Variants in NUP58 observed in about 807,000 individuals in gnomAD.
NUP58 encodes nucleoporin p58/p45.
NUP58 carries 17 observed loss-of-function variants against 70.1 expected under a neutral mutation model. That is an observed-to-expected ratio of 0.24 (90% CI 0.17 to 0.36). The LOEUF (loss-of-function observed/expected upper bound fraction) is 0.36. Ranked by LOEUF, NUP58 falls within the 10% of genes least tolerant of loss-of-function variation. The pLI is 1.00. For missense variants in NUP58, 644 were observed against 701.5 expected, an observed-to-expected ratio of 0.92 and a Z score of 0.93; for synonymous variants, 275 against 257.6, an observed-to-expected ratio of 1.07 and a Z score of -0.65.
rs2031153679 is a variant in NUP58, at chr13:25,320,912, T to G, written c.777-7T>G. On this transcript the variant is annotated splice_region_variant and splice_polypyrimidine_tract_variant and intron_variant, in intron 8 of 15. Coordinates refer to ENST00000381736, the MANE Select transcript of NUP58 (RefSeq NM_014089.4). ...TTTTAAAACTCAGTTTTAAATATAT[T>G]TTTTAGGAAATTTGTGAAGGAGCAG... The G allele has an allele frequency of 1.4e-5, 21 of 1,526,476 alleles. No individual in the cohort carries two copies. The highest frequency in any genetic ancestry group is 1.8e-5 in the Non-Finnish European group (20 of 1,138,154). 94.6% of individuals were successfully genotyped at this position (1,526,476 alleles called of 1,614,324 possible). A position where few individuals can be genotyped will look rare whatever the true frequency, so the allele number is the denominator to read the frequency against.
At chr13:25,302,822 A>C (rs2030094480) in intron 1 of NUP58, 1 of 386,174 alleles carries the variant, frequency 2.6e-6, no homozygotes, top group Non-Finnish European at 5.1e-6. Flanking sequence ...CAGTCAATTC[A>C]GAAATTTGAA....
intron 13 of NUP58, 133 bp downstream of exon 13, chr13:25,331,691 G>A (rs2031612114): frequency 1.4e-6 from 2 of 1,463,320 alleles, no homozygotes; most frequent in African/African-American, 2.8e-5. Flanking sequence ...ATCTAAAATT[G>A]TGATGGACAC....
intron 3 of NUP58, 189 bp downstream of exon 3, chr13:25,309,471 G>C (rs886620513): frequency 4.2e-6 from 2 of 477,310 alleles, no homozygotes; most frequent in African/African-American, 4.0e-5. Context: ...GAATGACTTC[G>C]TAGAGTACTT....
At chr13:25,328,068 G>A (rs2031467598) in intron 12 of NUP58, among the ~76,000 whole-genome samples, 1 of 151,848 alleles carries the variant, frequency 6.6e-6, no homozygotes, top group Non-Finnish European at 1.5e-5. Context: ...GTATGGTGGC[G>A]GGCACTTGTA....
At chr13:25,303,220 G>A (rs1316037117) in intron 1 of NUP58, 1 of 402,614 alleles carries the variant, frequency 2.5e-6, no homozygotes, top group South Asian at 1.8e-5. Context: ...TTAGAATGAA[G>A]TTTAAAAAAG....
chr13:25,313,787 A>G (rs767585667), intron 5 of NUP58, 36 bp downstream of exon 5: 1 of 1,449,454 alleles, frequency 6.9e-7, no homozygotes, highest in East Asian at 2.8e-5. Flanking sequence ...AATAGTAAAT[A>G]TTTATATTTA....
intron 13 of NUP58, chr13:25,335,792 T>A: frequency 3.0e-6 from 3 of 984,744 alleles, no homozygotes; most frequent in Non-Finnish European, 3.6e-6. Flanking sequence ...AGGCTTTGAT[T>A]TCTTTAAAAA....
At position 25,307,259 on chromosome 13, in the gene NUP58, A is replaced by T. The variant is rs1042776506; in HGVS notation, c.108-547A>T. 2.3e-5 allele frequency among the ~76,000 whole-genome samples: 3 copies of T among 127,794 alleles called. No individual in the cohort carries two copies. The South Asian group carries it at 7.1e-4, about 30-fold the overall frequency. The allele number at this position is 127,794 out of a possible 152,430, so 83.8% of individuals were successfully genotyped here. On this transcript the variant is annotated intron_variant, in intron 1 of 15. Transcript: ENST00000381736. ...AGAGGGAGTCTCGCTCTGTCACTCAAACTGGAGTGCAGTGACACTATCTCA... is the reference window on the plus strand; with the variant it reads ...AGAGGGAGTCTCGCTCTGTCACTCATACTGGAGTGCAGTGACACTATCTCA...
At chr13:25,334,442 T>A in intron 13 of NUP58, 1 of 985,388 alleles carries the variant, frequency 1.0e-6, no homozygotes, top group Non-Finnish European at 1.2e-6. Context: ...ATTTTTAGCT[T>A]AGTGTAGGTT....
At chr13:25,325,453 G>A (rs2031358031) in intron 10 of NUP58, among the ~76,000 whole-genome samples, 1 of 152,128 alleles carries the variant, frequency 6.6e-6, no homozygotes, top group South Asian at 2.1e-4. Flanking sequence ...AAACCAACCT[G>A]TAATCACATC....
chr13:25,315,574 T>A, intron 6 of NUP58, 107 bp downstream of exon 6: 1 of 732,566 alleles, frequency 1.4e-6, no homozygotes, highest in Non-Finnish European at 2.4e-6. Context: ...TATTTAGTAG[T>A]AACAGTTAGC....
At chr13:25,315,561 A>G (rs2030888438) in intron 6 of NUP58, 94 bp downstream of exon 6, 1 of 808,706 alleles carries the variant, frequency 1.2e-6, no homozygotes, top group South Asian at 1.6e-5. Flanking sequence ...ATTAGCAGTT[A>G]TATATTTAGT....
chr13:25,315,309 A>G, intron 5 of NUP58, 48 bp from the exon 6 acceptor site: 1 of 1,346,226 alleles, frequency 7.4e-7, no homozygotes, highest in Non-Finnish European at 1.1e-6. Context: ...GTAAGGGGAA[A>G]TTGTTGTAGT....
At chr13:25,332,729 T>G in intron 13 of NUP58, 1 of 985,490 alleles carries the variant, frequency 1.0e-6, no homozygotes, top group South Asian at 4.7e-5. Flanking sequence ...CCCATGTGAA[T>G]AGTGGCTCGC....
At chr13:25,305,831 T>C (rs1167022415) in intron 1 of NUP58, among the ~76,000 whole-genome samples, 1 of 152,078 alleles carries the variant, frequency 6.6e-6, no homozygotes. Flanking sequence ...TTTGCAAAAA[T>C]TTGAGTGGCT....
Position 25,313,745 on chromosome 13 carries a change from A to G in NUP58, c.568A>G (p.Thr190Ala). The G allele has an allele frequency of 6.6e-7, 1 of 1,523,260 alleles. No individual in the cohort carries two copies. Among genetic ancestry groups the G allele is most frequent in the Non-Finnish European group, 8.7e-7 (1 of 1,148,818 alleles). 94.4% of individuals were successfully genotyped at this position (1,523,260 alleles called of 1,614,324 possible). Residue 190 changes from threonine to alanine, a missense_variant, in exon 5 of 16, where the codon ACA becomes GCA. Transcript: ENST00000381736. ...GSLFQSTNTG[T>A]SGLGQNALGL... Reference sequence around the variant, plus strand: ...ACTTTTCCAGAGTACAAACACAGGAACATCAGGTAATTGATGGTATTTATT... The same window carrying G: ...ACTTTTCCAGAGTACAAACACAGGAGCATCAGGTAATTGATGGTATTTATT...
chr13:25,309,197 G>A (rs1386803943), intron 2 of NUP58, 50 bp from the exon 3 acceptor site: 2 of 1,398,930 alleles, frequency 1.4e-6, no homozygotes, highest in East Asian at 2.3e-5. Context: ...TAAACCTAAA[G>A]AATGTCATCT....
chr13:25,306,387 C>T (rs1254024358), intron 1 of NUP58, among the ~76,000 whole-genome samples: 1 of 144,862 alleles, frequency 6.9e-6, no homozygotes, highest in Non-Finnish European at 1.5e-5. Flanking sequence ...GAGTGAGACT[C>T]CGTCTCAAAA....
At chr13:25,329,895 T>C (rs937833851) in intron 12 of NUP58, among the ~76,000 whole-genome samples, 1 of 152,196 alleles carries the variant, frequency 6.6e-6, no homozygotes, top group Non-Finnish European at 1.5e-5. Flanking sequence ...TAATCATGAC[T>C]CATTGCAGCC....
Sources: allele counts gnomAD v4.1 joint callset (sites outside exome capture counted in the v4.1 genomes callset), GRCh38; gene constraint gnomAD v4.1.1; transcripts MANE v1.5; gene names NCBI Gene and HGNC (gene_info 2026-07-23, HGNC 2026-07-21).